CACNA2D4: variants seen among roughly 807,000 people sequenced by gnomAD.
CACNA2D4 encodes calcium voltage-gated channel auxiliary subunit alpha2delta 4, also known as voltage-dependent calcium channel subunit alpha-2/delta-4.
Under a neutral mutation model 163.8 loss-of-function variants are expected in CACNA2D4, and 157 were observed. That is an observed-to-expected ratio of 0.96 (90% confidence interval 0.84 to 1.09). CACNA2D4 has a LOEUF of 1.09. CACNA2D4 is among the 50% of genes least tolerant of loss of function. The probability of loss-of-function intolerance (pLI) is 0.00; values close to 1 mark genes in which losing one functional copy is unlikely to be tolerated. For missense variants in CACNA2D4, 1,410 were observed against 1,479.9 expected (o/e 0.95, Z 0.78); for synonymous variants, 598 against 586.9 (o/e 1.02, Z -0.27).
At position 1,869,385 on chromosome 12, in the gene CACNA2D4, C is replaced by G. The variant is rs370594217; in HGVS notation, c.1878+5219G>C. 6.6e-6 allele frequency among the ~76,000 whole-genome samples: 1 copy of G among 152,230 alleles called. No individual in the cohort carries two copies. The highest frequency in any genetic ancestry group is 2.4e-5 in the African/African-American group (1 of 41,458). On this transcript the variant is annotated intron_variant, in intron 18 of 37. Transcript: ENST00000382722. The surrounding 1 kb of genome is among the most constrained non-coding windows in gnomAD (Gnocchi z 4.7). Reference sequence around the variant, plus strand: ...GGCCGAAGCCAGATTCAAAGCCACCCGCTGCTGCTGGCTCTCCTCCTTCAG... The same window carrying G: ...GGCCGAAGCCAGATTCAAAGCCACCGGCTGCTGCTGGCTCTCCTCCTTCAG...
Position 1,828,632 on chromosome 12 carries a change from C to G in CACNA2D4, c.2551+12107G>C, listed in dbSNP as rs1196730477. Among the ~76,000 whole-genome samples, 2 of 152,204 alleles carry G rather than the reference C, an allele frequency of 1.3e-5. No homozygotes were observed. The highest frequency in any genetic ancestry group is 4.8e-5 in the African/African-American group (2 of 41,458). On this transcript the variant is annotated intron_variant, in intron 26 of 37. Coordinates refer to ENST00000382722, the MANE Select transcript of CACNA2D4 (RefSeq NM_172364.5). The surrounding 1 kb of genome is among the most constrained non-coding windows in gnomAD (Gnocchi z 4.2). ...CTTTTGCTCCCGTGGGGAACTGCCC[C>G]CTTGGCTGGCCTCGGCCAGGAGCTG...
At chr12:1,850,159 G>A (rs1355927623) in intron 23 of CACNA2D4, among the ~76,000 whole-genome samples, 4 of 152,114 alleles carry the variant, frequency 2.6e-5, no homozygotes, top group Non-Finnish European at 4.4e-5. Context: ...AATTCCCCTC[G>A]ACGGGGTTTG....
At chr12:1,861,163 G>A (rs1047224308) in intron 18 of CACNA2D4, among the ~76,000 whole-genome samples, 1 of 152,168 alleles carries the variant, frequency 6.6e-6, no homozygotes, top group Non-Finnish European at 1.5e-5. Context: ...AAACTGGAGC[G>A]AGGTGTCAGA....
At chr12:1,908,176 G>T in intron 4 of CACNA2D4, 139 bp from the exon 5 acceptor site, 1 of 848,058 alleles carries the variant, frequency 1.2e-6, no homozygotes. Flanking sequence ...CACCCGCGGC[G>T]GCGCGCTGGG....
chr12:1,825,615 C>T (rs183698843), intron 26 of CACNA2D4, among the ~76,000 whole-genome samples: 2 of 152,316 alleles, frequency 1.3e-5, no homozygotes, highest in Non-Finnish European at 2.9e-5. Flanking sequence ...TGTGTGCAAG[C>T]ATGTGGGCAC....
rs745890420 is a variant in CACNA2D4, at chr12:1,918,276, C to T, written c.198G>A (p.Ala66=). The T allele has an allele frequency of 2.4e-5, 39 of 1,605,728 alleles. No homozygotes were observed. Among genetic ancestry groups the T allele is most frequent in the Admixed American group, 5.2e-5 (3 of 58,142 alleles). ...LLLLGTSLSP[A]WGQAKIPLET... is the part of the protein sequence containing the mutation. ...CCAGAGGAATCTTGGCCTGTCCCCA[C>T]GCAGGGGACAGGGAGGTGCCTAGAA... Residue 66 remains alanine, a synonymous_variant, in exon 1 of 38, where the codon GCG becomes GCA. Transcript: ENST00000382722.
At chr12:1,892,913 T>C (rs1866321223) in intron 6 of CACNA2D4, among the ~76,000 whole-genome samples, 1 of 152,146 alleles carries the variant, frequency 6.6e-6, no homozygotes. Context: ...CATTATATAA[T>C]GACAAAAGGA....
At position 1,874,615 on chromosome 12, in the gene CACNA2D4, T is replaced by A. The variant is rs1865847459; in HGVS notation, c.1867A>T (p.Met623Leu). Reference protein sequence around the residue: ...GTLSMDVKVPMDKGKRVLFLT... With the variant: ...GTLSMDVKVPLDKGKRVLFLT... ...TTCTAGCTCCTTACCCCTTTATCCA[T>A]CGGAACCTTCACATCCATCGAGAGA... is the stretch of plus-strand genomic sequence containing the variant. The change falls in exon 18 of 38, where the codon ATG (methionine) becomes TTG (leucine). Residue 623 changes from methionine to leucine, a missense_variant. Physicochemically the swap from Met to Leu is conservative, Grantham distance 15. Coordinates refer to ENST00000382722, the MANE Select transcript of CACNA2D4 (RefSeq NM_172364.5). This position sits in a 1 kb window ranked among gnomAD's most constrained non-coding sequence, Gnocchi z 4.4. The A allele has an allele frequency of 6.2e-7, 1 of 1,611,750 alleles. No individual in the cohort carries two copies. The highest frequency in any genetic ancestry group is 1.3e-5 in the African/African-American group (1 of 74,876).
At chr12:1,872,256 C>T (rs1352517192) in intron 18 of CACNA2D4, among the ~76,000 whole-genome samples, 1 of 152,180 alleles carries the variant, frequency 6.6e-6, no homozygotes, top group African/African-American at 2.4e-5. Flanking sequence ...GCCCCCTGCA[C>T]GGAGGCCTGT....
At chr12:1,818,427 G>C (rs553453244) in intron 26 of CACNA2D4, among the ~76,000 whole-genome samples, 1 of 151,962 alleles carries the variant, frequency 6.6e-6, no homozygotes, top group South Asian at 2.1e-4. Flanking sequence ...TCTGCACTAA[G>C]AAAAATTCCT....
chr12:1,907,585 C>G lies in CACNA2D4; in HGVS notation c.650-14G>C. 1 of 1,609,542 alleles carries G rather than the reference C, an allele frequency of 6.2e-7. No homozygotes were observed. The highest frequency in any genetic ancestry group is 8.5e-7 in the Non-Finnish European group (1 of 1,176,880). On this transcript the variant is annotated splice_polypyrimidine_tract_variant and intron_variant, in intron 5 of 37. Coordinates refer to ENST00000382722, the MANE Select transcript of CACNA2D4 (RefSeq NM_172364.5). ...AAATATCTGGGTCTGAAGGGTGAGA[C>G]TATAGATTATGATCCTGTAGAACTT...
intron 26 of CACNA2D4, among the ~76,000 whole-genome samples, chr12:1,830,286 C>T (rs1016354213): frequency 6.6e-6 from 1 of 152,242 alleles, no homozygotes; most frequent in African/African-American, 2.4e-5. Flanking sequence ...GCTCTAAATC[C>T]TCATGCCAAA....
intron 23 of CACNA2D4, 70 bp downstream of exon 23, chr12:1,853,881 G>A (rs1592712278): frequency 8.1e-7 from 1 of 1,229,760 alleles, no homozygotes; most frequent in Non-Finnish European, 1.2e-6. Flanking sequence ...GATGGTGAGA[G>A]GGGTCCCAAC....
intron 6 of CACNA2D4, among the ~76,000 whole-genome samples, chr12:1,903,978 A>T (rs1467323617): frequency 6.6e-6 from 1 of 152,134 alleles, no homozygotes; most frequent in Non-Finnish European, 1.5e-5. Flanking sequence ...CTAAATGTCC[A>T]TCAACATTAG....
intron 18 of CACNA2D4, 66 bp from the exon 19 acceptor site, chr12:1,860,272 C>G (rs893627185): frequency 2.4e-6 from 3 of 1,252,134 alleles, no homozygotes; most frequent in Non-Finnish European, 2.3e-6. Context: ...CCACCTCGCC[C>G]CCAGGGCTCT....
chr12:1,873,381 AG>A (rs1374922754), intron 18 of CACNA2D4, among the ~76,000 whole-genome samples: 2 of 152,198 alleles, frequency 1.3e-5, no homozygotes, highest in Non-Finnish European at 2.9e-5. Flanking sequence ...AGGTTTCAGA[AG>A]TTCAGCCTAC....
At chr12:1,904,514 A>C (rs1424925521) in intron 6 of CACNA2D4, among the ~76,000 whole-genome samples, 1 of 152,000 alleles carries the variant, frequency 6.6e-6, no homozygotes, top group Non-Finnish European at 1.5e-5. Context: ...TATACCCACA[A>C]AAATTAAAAA....
At position 1,844,656 on chromosome 12, in the gene CACNA2D4, C is replaced by T. The variant is rs1865104019; in HGVS notation, c.2343-127G>A. ...ATTTTAGCCCCTAAATTAGTACGGC[C>T]CCAGACAATGCTTCCCAGCAATTCT... is the stretch of plus-strand genomic sequence containing the variant. On this transcript the variant is annotated intron_variant, in intron 24 of 37. Coordinates refer to ENST00000382722, the MANE Select transcript of CACNA2D4 (RefSeq NM_172364.5). This position sits in a 1 kb window ranked among gnomAD's most constrained non-coding sequence, Gnocchi z 4.2. The T allele has an allele frequency of 5.4e-6, 5 of 917,700 alleles. No individual in the cohort carries two copies. In the South Asian group the frequency reaches 9.2e-5, roughly 17 times the overall value. 56.8% of individuals were successfully genotyped at this position (917,700 alleles called of 1,614,324 possible). A position where few individuals can be genotyped will look rare whatever the true frequency, so the allele number is the denominator to read the frequency against.
At position 1,828,600 on chromosome 12, in the gene CACNA2D4, G is replaced by A. The variant is rs955394840; in HGVS notation, c.2551+12139C>T. 1.3e-5 allele frequency among the ~76,000 whole-genome samples: 2 copies of A among 152,224 alleles called. No homozygotes were observed. Among genetic ancestry groups the A allele is most frequent in the Non-Finnish European group, 2.9e-5 (2 of 68,030 alleles). ...TTGTCGGCCTGTGTCACAGACTGCG[G>A]CGAGCCCTTTTGCTCCCGTGGGGAA... On this transcript the variant is annotated intron_variant, in intron 26 of 37. Transcript: ENST00000382722. This position sits in a 1 kb window ranked among gnomAD's most constrained non-coding sequence, Gnocchi z 4.2.
Sources: gnomAD v4.1 joint callset for allele counts (sites outside exome capture counted in the v4.1 genomes callset) on GRCh38, gnomAD v4.1.1 for gene constraint, Gnocchi (gnomAD v3.1) non-coding constraint, MANE v1.5 for transcripts, NCBI Gene and HGNC (gene_info 2026-07-23, HGNC 2026-07-21) for gene names.